The following TMEM8B variants were observed in gnomAD, a reference collection of about 807,000 sequenced individuals.
TMEM8B encodes the protein transmembrane protein 8B.
TMEM8B carries 29 observed loss-of-function variants against 49.3 expected under a neutral mutation model. The ratio of observed to expected loss-of-function variants is 0.59; its 90% confidence interval spans 0.44 to 0.80. TMEM8B has a LOEUF of 0.80. Ranked by LOEUF, TMEM8B falls within the 30% of genes least tolerant of loss-of-function variation. TMEM8B has a pLI of 0.00. For missense variants in TMEM8B, 575 were observed against 658.5 expected (o/e 0.87, Z 1.39); for synonymous variants, 264 against 272.8 (o/e 0.97, Z 0.32).
Position 35,856,114 on chromosome 9 carries a change from G to A in TMEM8B, c.*2274G>A, listed in dbSNP as rs1832536871. 6.6e-6 allele frequency: 1 copy of A among 152,204 alleles called. No homozygotes were observed. Among genetic ancestry groups the A allele is most frequent in the Admixed American group, 6.5e-5 (1 of 15,280 alleles). The allele number at this position is 152,204 out of a possible 1,614,324, so 9.4% of individuals were successfully genotyped here. On this transcript the variant is annotated 3_prime_UTR_variant, in exon 13 of 13. Transcript: ENST00000643932. ...GGACATTTGAACTAGGATTAGCTGA[G>A]TTGCCATGATGCTAAGATAATGGGA...
chr9:35,848,681 T>TC lies in TMEM8B; in HGVS notation c.2175+1686_2175+1687insC, dbSNP rs1297988438. ...TTCTTTCTTTGTTTTTTTTCTTTTT[T>TC]TTTTTTTTTTTGAGACAGAGTCTTG... On this transcript the variant is annotated intron_variant, in intron 10 of 12. Transcript: ENST00000643932. Among the ~76,000 whole-genome samples, 20 of 149,912 alleles carry TC rather than the reference T, an allele frequency of 1.3e-4. No homozygotes were observed. In the East Asian group the frequency reaches 2.9e-3, roughly 22 times the overall value.
At chr9:35,833,289 G>C in intron 1 of TMEM8B, 1 of 985,024 alleles carries the variant, frequency 1.0e-6, no homozygotes, top group Non-Finnish European at 1.2e-6. Flanking sequence ...TTCCAGCCCC[G>C]GGTCTGTCCT....
intron 3 of TMEM8B, among the ~76,000 whole-genome samples, chr9:35,838,776 C>T (rs752619117): frequency 2.0e-5 from 3 of 152,188 alleles, no homozygotes; most frequent in Non-Finnish European, 4.4e-5. Context: ...TACTGTCATC[C>T]ACCCATTGCT....
chr9:35,864,796 G>A lies in TMEM8B; in HGVS notation c.*10956G>A, dbSNP rs1194252112. ...CTCACCTACTGGCCATGGCCTAAAT[G>A]TCTGTAGGGAGCTGGAGCCAGGTGA... is the stretch of plus-strand genomic sequence containing the variant. On this transcript the variant is annotated 3_prime_UTR_variant, in exon 13 of 13. Coordinates refer to ENST00000643932, the MANE Select transcript of TMEM8B (RefSeq NM_001042590.4). The A allele has an allele frequency of 1.3e-5, 2 of 152,304 alleles. No homozygotes were observed. The highest frequency in any genetic ancestry group is 2.9e-5 in the Non-Finnish European group (2 of 68,126). 9.4% of individuals were successfully genotyped at this position (152,304 alleles called of 1,614,324 possible). A position where few individuals can be genotyped will look rare whatever the true frequency, so the allele number is the denominator to read the frequency against.
At chr9:35,835,858 G>T (rs926649039) in intron 3 of TMEM8B, among the ~76,000 whole-genome samples, 1 of 152,212 alleles carries the variant, frequency 6.6e-6, no homozygotes, top group Admixed American at 6.5e-5. Context: ...TGAAGGGCAG[G>T]TTCAAAGGTC....
At chr9:35,849,631 G>C (rs886610665) in intron 10 of TMEM8B, among the ~76,000 whole-genome samples, 1 of 152,226 alleles carries the variant, frequency 6.6e-6, no homozygotes, top group Admixed American at 6.5e-5. Flanking sequence ...TGTAACAGAT[G>C]ATATTGCTCC....
intron 10 of TMEM8B, among the ~76,000 whole-genome samples, chr9:35,850,091 G>A (rs1831997590): frequency 1.3e-5 from 2 of 152,192 alleles, no homozygotes; most frequent in South Asian, 4.1e-4. Context: ...AAGAGAAAAT[G>A]AAAGCAGAAA....
chr9:35,850,042 A>G (rs1241669047), intron 10 of TMEM8B, among the ~76,000 whole-genome samples: 2 of 152,232 alleles, frequency 1.3e-5, no homozygotes, highest in Non-Finnish European at 2.9e-5. Context: ...ATCCCAGGTC[A>G]TTCTCACTGT....
In TMEM8B at chr9:35,845,961, C is replaced by T. The variant is rs1333964544; in HGVS notation, c.1636-14C>T. The T allele has an allele frequency of 2.5e-6, 4 of 1,613,732 alleles. No individual in the cohort carries two copies. In the South Asian group the frequency reaches 3.3e-5, roughly 13 times the overall value. Reference sequence around the variant, plus strand: ...AGGATGTGGCGGCCTCACTTCCATACCTGCCCTCCCCAGAGCTCCGTGCGC... The same window carrying T: ...AGGATGTGGCGGCCTCACTTCCATATCTGCCCTCCCCAGAGCTCCGTGCGC... On this transcript the variant is annotated splice_polypyrimidine_tract_variant and intron_variant, in intron 6 of 12. Transcript: ENST00000643932.
Position 35,852,809 on chromosome 9 carries a change from T to C in TMEM8B, c.2176-18T>C. 6.2e-7 allele frequency: 1 copy of C among 1,614,060 alleles called. No homozygotes were observed. The highest frequency in any genetic ancestry group is 8.5e-7 in the Non-Finnish European group (1 of 1,180,004). On this transcript the variant is annotated intron_variant, in intron 10 of 12. Transcript: ENST00000643932. ...CTCTGCCTCAAGTTCTCTCAATGCC[T>C]GTCATTTCTTCCTTCAGTTCTATCA...
At chr9:35,840,028 C>G (rs906345294) in intron 3 of TMEM8B, among the ~76,000 whole-genome samples, 2 of 152,130 alleles carry the variant, frequency 1.3e-5, no homozygotes, top group African/African-American at 4.8e-5. Context: ...TGTCCCAGAA[C>G]AGAGTTTGAA....
rs1314585709 is a variant in TMEM8B at position 35,854,163 on chromosome 9, C to A, written c.*323C>A. ...AGCCTTCCCAAGACATGGATTCCTT[C>A]CCAGGGAGACAAAGCCCTGTCAGGA... is the stretch of plus-strand genomic sequence containing the variant. On this transcript the variant is annotated 3_prime_UTR_variant, in exon 13 of 13. Transcript: ENST00000643932. 2.2e-6 allele frequency: 1 copy of A among 446,626 alleles called. No individual in the cohort carries two copies. Among genetic ancestry groups the A allele is most frequent in the Non-Finnish European group, 3.3e-6 (1 of 302,426 alleles). The allele number at this position is 446,626 out of a possible 1,614,324, so 27.7% of individuals were successfully genotyped here.
intron 1 of TMEM8B, among the ~76,000 whole-genome samples, chr9:35,834,070 A>ACACACACC (rs994665464): frequency 2.4e-4 from 35 of 147,184 alleles, no homozygotes; most frequent in African/African-American, 7.2e-4. Context: ...ACACACACAC[A>ACACACACC]CCTTCCACAC....
Position 35,860,207 on chromosome 9 carries a change from T to C in TMEM8B, c.*6367T>C, listed in dbSNP as rs538291872. ...ACTGAGGGGAGGATGGGGCACATTCTAGTCCCCTAGGCTCCTCTCTGCTCT... is the reference window on the plus strand; with the variant it reads ...ACTGAGGGGAGGATGGGGCACATTCCAGTCCCCTAGGCTCCTCTCTGCTCT... On this transcript the variant is annotated 3_prime_UTR_variant, in exon 13 of 13. Transcript: ENST00000643932. 1.3e-5 allele frequency: 2 copies of C among 152,274 alleles called. No individual in the cohort carries two copies. Among genetic ancestry groups the C allele is most frequent in the African/African-American group, 2.4e-5 (1 of 41,472 alleles). The allele number at this position is 152,274 out of a possible 1,614,324, so 9.4% of individuals were successfully genotyped here.
chr9:35,836,827 G>A (rs909291726), intron 3 of TMEM8B, among the ~76,000 whole-genome samples: 2 of 152,204 alleles, frequency 1.3e-5, no homozygotes, highest in Non-Finnish European at 2.9e-5. Context: ...AGACAGAAGA[G>A]GACCATCCCA....
In TMEM8B at chr9:35,853,234, C is replaced by T. The variant is rs915121650; in HGVS notation, c.2416C>T (p.Leu806=). 11 of 1,613,944 alleles carry T rather than the reference C, an allele frequency of 6.8e-6. No individual in the cohort carries two copies. Among genetic ancestry groups the T allele is most frequent in the Admixed American group, 1.7e-5 (1 of 60,006 alleles). Residue 806 remains leucine (L), a synonymous_variant, in exon 12 of 13, where the codon CTG becomes TTG. Coordinates refer to ENST00000643932, the MANE Select transcript of TMEM8B (RefSeq NM_001042590.4). This position sits in a 1 kb window ranked among gnomAD's most constrained non-coding sequence, Gnocchi z 4.2. The part of the protein sequence containing the change: ...WNLLGPSLFA[L]GILATAWTVR... ...CCTGCTTGGACCCAGTCTCTTCGCC[C>T]TGGGGATCTTGGCCACAGCCTGGGT...
At chr9:35,852,534 CAG>C (rs1316744806) in intron 10 of TMEM8B, among the ~76,000 whole-genome samples, 2 of 152,096 alleles carry the variant, frequency 1.3e-5, no homozygotes, top group Non-Finnish European at 2.9e-5. Context: ...TTGAGGGTAT[CAG>C]AACCCCCTGG....
At chr9:35,835,998 T>C (rs1830413685) in intron 3 of TMEM8B, among the ~76,000 whole-genome samples, 1 of 152,210 alleles carries the variant, frequency 6.6e-6, no homozygotes, top group Non-Finnish European at 1.5e-5. Context: ...AGCTGGCTGT[T>C]GTCAGAGTGG....
chr9:35,829,643 G>C lies in TMEM8B; in HGVS notation c.196G>C (p.Ala66Pro). 1 of 398,966 alleles carries C rather than the reference G, an allele frequency of 2.5e-6. No individual in the cohort carries two copies. The highest frequency in any genetic ancestry group is 4.4e-5 in the Admixed American group (1 of 22,558). 24.7% of individuals were successfully genotyped at this position (398,966 alleles called of 1,614,324 possible). A position where few individuals can be genotyped will look rare whatever the true frequency, so the allele number is the denominator to read the frequency against. ...GTTCCACCCCCTGTCACAAATCCCA[G>C]CCCAGGCCCTGTCCCAGCCCCATTC... ...PSFHPLSQIP[A>P]QALSQPHSQC... Residue 66 changes from alanine (A) to proline (P), a missense_variant, in exon 1 of 13, where the codon GCC becomes CCC. Physicochemically the swap from Ala to Pro is conservative, Grantham distance 27. Transcript: ENST00000643932.
Sources: allele counts gnomAD v4.1 joint callset (sites outside exome capture counted in the v4.1 genomes callset), GRCh38; gene constraint gnomAD v4.1.1; non-coding constraint Gnocchi (gnomAD v3.1); transcripts MANE v1.5; gene names NCBI Gene and HGNC (gene_info 2026-07-23, HGNC 2026-07-21).